The following BRF1 variants were observed in gnomAD, a reference collection of about 807,000 sequenced individuals.
The protein encoded by BRF1 is BRF1 general transcription factor IIIB subunit.
In BRF1, 59 loss-of-function variants were observed where a neutral mutation model predicts 81.7. The observed-to-expected ratio is 0.72, with a 90% CI of 0.59 to 0.90. BRF1 has a LOEUF of 0.90. Ranked by LOEUF, BRF1 falls within the 40% of genes least tolerant of loss-of-function variation. BRF1 has a pLI of 0.00. For synonymous variants in BRF1, 491 were observed against 395.6 expected, an observed-to-expected ratio of 1.24 and a Z score of -2.86; for missense variants, 1,050 against 936.3, an observed-to-expected ratio of 1.12 and a Z score of -1.58.
At chr14:105,215,161 GCA>G (rs1409310310) in intron 15 of BRF1, among the ~76,000 whole-genome samples, 2 of 152,272 alleles carry the variant, frequency 1.3e-5, no homozygotes, top group East Asian at 1.9e-4. Context: ...AGATGTGTGT[GCA>G]CACAGACTCA....
Position 105,217,310 on chromosome 14 carries a change from C to A in BRF1, c.1772+234G>T, listed in dbSNP as rs1891490454. On this transcript the variant is annotated intron_variant, in intron 15 of 17. Transcript: ENST00000547530. ...ACAAAACAGAGCCTAGGCTGCAGGACCCCCCTGACAGCTGGACCCGCCCGT... is the reference window on the plus strand; with the variant it reads ...ACAAAACAGAGCCTAGGCTGCAGGAACCCCCTGACAGCTGGACCCGCCCGT... 3.3e-5 allele frequency: 21 copies of A among 632,062 alleles called. No individual in the cohort carries two copies. The South Asian group carries it at 4.2e-4, about 13-fold the overall frequency. 39.2% of individuals were successfully genotyped at this position (632,062 alleles called of 1,614,324 possible). A position where few individuals can be genotyped will look rare whatever the true frequency, so the allele number is the denominator to read the frequency against.
rs10141757 is a variant in BRF1, at chr14:105,211,461, T to C, written c.1825-168A>G. 14,605 of 614,580 alleles carry C rather than the reference T, an allele frequency of 0.024. 1,707 individuals carry two copies. The African/African-American group carries it at 0.25, about 10-fold the overall frequency. The allele number at this position is 614,580 out of a possible 1,614,324, so 38.1% of individuals were successfully genotyped here. On this transcript the variant is annotated intron_variant, in intron 16 of 17. Transcript: ENST00000547530. ...GGCCCACTGGCCCCTTCTGGCCTCC[T>C]GGGGGCTGTGCCATGAGCTGTGTCA...
intron 2 of BRF1, among the ~76,000 whole-genome samples, chr14:105,279,159 C>T (rs888922791): frequency 2.6e-5 from 4 of 151,864 alleles, no homozygotes; most frequent in Non-Finnish European, 5.9e-5. Context: ...CAAGGAGCAT[C>T]GACTGCACCA....
chr14:105,292,671 G>A (rs2057565764), intron 1 of BRF1, among the ~76,000 whole-genome samples: 1 of 152,196 alleles, frequency 6.6e-6, no homozygotes, highest in South Asian at 2.1e-4. Flanking sequence ...CGGGAACACA[G>A]AGCGTGTGCC....
intron 2 of BRF1, among the ~76,000 whole-genome samples, chr14:105,280,413 T>C (rs1234611585): frequency 6.6e-6 from 1 of 152,258 alleles, no homozygotes; most frequent in Non-Finnish European, 1.5e-5. Flanking sequence ...TCTTTAGGAC[T>C]CTGAAAGCAC....
chr14:105,294,818 G>A (rs2057667400), intron 1 of BRF1, among the ~76,000 whole-genome samples: 1 of 152,164 alleles, frequency 6.6e-6, no homozygotes, highest in Admixed American at 6.5e-5. Flanking sequence ...AACTCTCTGG[G>A]CAAATTCAAC....
In BRF1 at chr14:105,300,870, G is replaced by A. The variant is rs2057987254; in HGVS notation, c.-241C>T. ...GACCACGGCGGGGACGCGAGGACTGGAGCCGCGACCTCCCCACTGCGAGCG... is the reference window on the plus strand; with the variant it reads ...GACCACGGCGGGGACGCGAGGACTGAAGCCGCGACCTCCCCACTGCGAGCG... On this transcript the variant is annotated 5_prime_UTR_variant, in exon 1 of 18. Transcript: ENST00000547530. The A allele has an allele frequency of 5.9e-6, 1 of 169,954 alleles. No individual in the cohort carries two copies. The highest frequency in any genetic ancestry group is 6.3e-5 in the Admixed American group (1 of 15,760). The allele number at this position is 169,954 out of a possible 1,614,324, so 10.5% of individuals were successfully genotyped here. A position where few individuals can be genotyped will look rare whatever the true frequency, so the allele number is the denominator to read the frequency against.
At chr14:105,247,991 G>A (rs928319365) in intron 5 of BRF1, 7 of 985,356 alleles carry the variant, frequency 7.1e-6, no homozygotes, top group African/African-American at 3.5e-5. Context: ...CGCGCCCTGG[G>A]GCCCAAGCTC....
At chr14:105,229,125 A>T (rs587692283) in intron 6 of BRF1, among the ~76,000 whole-genome samples, 2 of 152,218 alleles carry the variant, frequency 1.3e-5, no homozygotes, top group African/African-American at 2.4e-5. Context: ...CACCCATTCC[A>T]TTTTCAAATC....
chr14:105,300,465 G>GC lies in BRF1; in HGVS notation c.164dup (p.Gln56ProfsTer186). ...ACTCACCGTCCAGGGACACGAACTG[G>GC]CCCACGGCCGAGGAGCCGCCGCCGC... On this transcript the variant is annotated frameshift_variant, in exon 1 of 18. Transcript: ENST00000547530. LOFTEE classifies it high-confidence loss of function. 1 of 1,532,330 alleles carries GC rather than the reference G, an allele frequency of 6.5e-7. No individual in the cohort carries two copies. 94.9% of individuals were successfully genotyped at this position (1,532,330 alleles called of 1,614,324 possible). A position where few individuals can be genotyped will look rare whatever the true frequency, so the allele number is the denominator to read the frequency against.
rs2056713921 is a variant in BRF1, at chr14:105,272,780, T to G, written c.380A>C (p.Lys127Thr). Residue 127 changes from lysine to threonine, a missense_variant, in exon 3 of 18, where the codon AAG (lysine) becomes ACG (threonine). Around this residue, in one of 2 missense-constraint regions of BRF1, gnomAD observed 1,043 missense variants for 915.4 expected, o/e 1.14. Coordinates refer to ENST00000547530, the MANE Select transcript of BRF1 (RefSeq NM_001519.4). Reference protein sequence around the residue: ...AVSRHLTRGRKMAHVIAACLY... With the variant: ...AVSRHLTRGRTMAHVIAACLY... Reference sequence around the variant, plus strand: ...GCAGGCAGCAATCACGTGGGCCATCTTCCGGCCGCGGGTCAGGTGCCTGCT... The same window carrying G: ...GCAGGCAGCAATCACGTGGGCCATCGTCCGGCCGCGGGTCAGGTGCCTGCT... 8.1e-6 allele frequency: 13 copies of G among 1,613,864 alleles called. No individual in the cohort carries two copies. The highest frequency in any genetic ancestry group is 1.1e-5 in the Non-Finnish European group (13 of 1,179,974).
intron 3 of BRF1, among the ~76,000 whole-genome samples, chr14:105,270,832 T>C (rs2056622839): frequency 6.6e-6 from 1 of 150,566 alleles, no homozygotes; most frequent in African/African-American, 2.4e-5. Flanking sequence ...AAGATCCTGA[T>C]ACTGAGGGTT....
chr14:105,219,353 CTATT>C (rs1243618540), intron 12 of BRF1, 121 bp from the exon 13 acceptor site: 6 of 1,522,464 alleles, frequency 3.9e-6, no homozygotes, highest in Non-Finnish European at 5.3e-6. Flanking sequence ...GGGGCAGCCT[CTATT>C]TAGTGCGGAG....
chr14:105,300,311 G>T (rs2057951237), intron 1 of BRF1, 135 bp downstream of exon 1: 3 of 1,008,480 alleles, frequency 3.0e-6, no homozygotes, highest in East Asian at 3.2e-5. Context: ...CCACACTCGC[G>T]CCCAGACGGC....
intron 5 of BRF1, chr14:105,246,841 C>T (rs2055147634): frequency 2.3e-5 from 23 of 985,402 alleles, no homozygotes; most frequent in Non-Finnish European, 2.7e-5. Flanking sequence ...CTCCACACCA[C>T]CATGCAGATC....
intron 5 of BRF1, chr14:105,248,436 G>C (rs372844536): frequency 1.0e-6 from 1 of 985,368 alleles, no homozygotes. Flanking sequence ...CGCGCGGCTC[G>C]CGCCGGTTGC....
intron 5 of BRF1, among the ~76,000 whole-genome samples, chr14:105,251,261 G>C (rs2055594026): frequency 6.6e-6 from 1 of 152,180 alleles, no homozygotes; most frequent in Non-Finnish European, 1.5e-5. Context: ...CTGGGTTGCT[G>C]GCTGGCTTCT....
intron 1 of BRF1, among the ~76,000 whole-genome samples, chr14:105,291,646 A>G (rs1362909872): frequency 6.6e-6 from 1 of 151,958 alleles, no homozygotes; most frequent in Non-Finnish European, 1.5e-5. Context: ...TCTGTCAAAA[A>G]AAAATTTTTT....
At chr14:105,287,688 A>T (rs1054425296) in intron 1 of BRF1, among the ~76,000 whole-genome samples, 5 of 152,244 alleles carry the variant, frequency 3.3e-5, no homozygotes, top group African/African-American at 1.2e-4. Flanking sequence ...AGCACAGACA[A>T]GGCAGAACAG....
Sources: allele counts gnomAD v4.1 joint callset (sites outside exome capture counted in the v4.1 genomes callset), GRCh38; gene constraint gnomAD v4.1.1; regional missense constraint gnomAD v4.1.1; transcripts MANE v1.5; gene names NCBI Gene and HGNC (gene_info 2026-07-23, HGNC 2026-07-21).